PLCE1: variants seen among roughly 807,000 people sequenced by gnomAD.
The protein encoded by PLCE1 is phospholipase C epsilon 1.
PLCE1 carries 119 observed loss-of-function variants against 242.8 expected under a neutral mutation model. The ratio of observed to expected loss-of-function variants is 0.49; its 90% CI spans 0.42 to 0.57. PLCE1 has a LOEUF of 0.57. Among genes scored for constraint, PLCE1 ranks in the 20% least tolerant of loss-of-function variants. The pLI, the probability that PLCE1 is intolerant of heterozygous loss-of-function variation, is 0.00. For synonymous variants in PLCE1, 945 were observed against 1,017.4 expected, an observed-to-expected ratio of 0.93 and a Z score of 1.35; for missense variants, 2,441 against 2,788.8, an observed-to-expected ratio of 0.88 and a Z score of 2.81.
chr10:94,020,838 TTC>T (rs1399073105), intron 1 of PLCE1, among the ~76,000 whole-genome samples: 2 of 152,192 alleles, frequency 1.3e-5, no homozygotes, highest in Non-Finnish European at 2.9e-5. Flanking sequence ...GTTGTTTTGT[TTC>T]TGTTTTTGAG....
chr10:94,325,201 A>G, intron 32 of PLCE1, 97 bp downstream of exon 32: 1 of 901,632 alleles, frequency 1.1e-6, no homozygotes, highest in Non-Finnish European at 1.8e-6. Flanking sequence ...CTTTTCCAAC[A>G]GGAGGATGTC....
In PLCE1 at chr10:94,268,304, G is replaced by A. The variant is rs79093368; in HGVS notation, c.4282-625G>A. Among the ~76,000 whole-genome samples, 33 of 152,306 alleles carry A rather than the reference G, an allele frequency of 2.2e-4. No individual in the cohort carries two copies. In the East Asian group the frequency reaches 5.2e-3, roughly 24 times the overall value. The stretch of plus-strand genomic sequence containing the variant: ...GCTTGATTACTGATGTCTGCTGTGG[G>A]TATGGGAGAAAGGAACCATTTATGG... On this transcript the variant is annotated intron_variant, in intron 16 of 32. Transcript: ENST00000371380.
intron 19 of PLCE1, 24 bp downstream of exon 19, chr10:94,273,744 T>C: frequency 6.2e-7 from 1 of 1,608,342 alleles, no homozygotes; most frequent in African/African-American, 1.3e-5. Context: ...TTAAACCAGT[T>C]ATGAAAAGGC....
At chr10:94,131,578 T>A (rs1273656137) in intron 2 of PLCE1, among the ~76,000 whole-genome samples, 1 of 151,694 alleles carries the variant, frequency 6.6e-6, no homozygotes, top group African/African-American at 2.4e-5. Flanking sequence ...GCAAGAAGAG[T>A]GAGCAGGATC....
intron 2 of PLCE1, among the ~76,000 whole-genome samples, chr10:94,050,992 T>TG (rs1348993519): frequency 1.3e-5 from 2 of 152,098 alleles, no homozygotes. Context: ...GTTTATGGGA[T>TG]GGGATACTTG....
At chr10:94,289,612 G>A (rs1410878721) in intron 22 of PLCE1, among the ~76,000 whole-genome samples, 2 of 152,192 alleles carry the variant, frequency 1.3e-5, no homozygotes, top group Non-Finnish European at 2.9e-5. Context: ...AATACGGTAG[G>A]TAAGTGTAAC....
intron 3 of PLCE1, among the ~76,000 whole-genome samples, chr10:94,134,847 TA>T (rs2046716957): frequency 6.6e-6 from 1 of 152,242 alleles, no homozygotes; most frequent in Non-Finnish European, 1.5e-5. Context: ...GTGTTATCTT[TA>T]AATTGGCGTT....
intron 12 of PLCE1, 32 bp from the exon 13 acceptor site, chr10:94,258,982 T>G: frequency 6.2e-7 from 1 of 1,614,070 alleles, no homozygotes; most frequent in Admixed American, 1.7e-5. Flanking sequence ...ATAAAGATAC[T>G]CAATGAGAGG....
chr10:94,205,884 T>C (rs2049143510), intron 4 of PLCE1, among the ~76,000 whole-genome samples: 1 of 152,240 alleles, frequency 6.6e-6, no homozygotes, highest in African/African-American at 2.4e-5. Flanking sequence ...CTTCATTTGC[T>C]CTTTCAGTCA....
At chr10:94,299,726 G>C (rs2052969262) in intron 24 of PLCE1, among the ~76,000 whole-genome samples, 1 of 152,218 alleles carries the variant, frequency 6.6e-6, no homozygotes, top group Non-Finnish European at 1.5e-5. Flanking sequence ...CTAGCTACCT[G>C]GCACTGGTGC....
chr10:94,008,603 C>T (rs2061099191), intron 1 of PLCE1, among the ~76,000 whole-genome samples: 1 of 152,218 alleles, frequency 6.6e-6, no homozygotes, highest in Non-Finnish European at 1.5e-5. Context: ...GCCATCATGC[C>T]TGGTGAATGT....
At chr10:94,181,628 G>C (rs1225291886) in intron 4 of PLCE1, among the ~76,000 whole-genome samples, 1 of 151,734 alleles carries the variant, frequency 6.6e-6, no homozygotes. Flanking sequence ...CTCCATGAAG[G>C]CCAGGCATAG....
chr10:94,255,912 A>ACTCTCT (rs1564834353), intron 11 of PLCE1, among the ~76,000 whole-genome samples: 58 of 87,018 alleles, frequency 6.7e-4, no homozygotes, highest in African/African-American at 2.4e-3. Context: ...ACACACACAC[A>ACTCTCT]CACTCTCTCT....
chr10:94,200,403 G>A (rs886476896), intron 4 of PLCE1, among the ~76,000 whole-genome samples: 1 of 152,108 alleles, frequency 6.6e-6, no homozygotes, highest in Non-Finnish European at 1.5e-5. Flanking sequence ...ATAACTGAAA[G>A]AGCTCCCAAC....
chr10:94,234,284 G>C lies in PLCE1; in HGVS notation c.2186G>C (p.Arg729Pro). 1.2e-6 allele frequency: 2 copies of C among 1,614,082 alleles called. No individual in the cohort carries two copies. Among genetic ancestry groups the C allele is most frequent in the South Asian group, 1.1e-5 (1 of 91,070 alleles). Residue 729 changes from arginine to proline, a missense_variant, in exon 6 of 33, where the codon CGG (arginine) becomes CCG (proline). By Grantham distance (103) the Arg-to-Pro change is moderately radical. Transcript: ENST00000371380. ...GASGLMKLCP[R>P]YNSQEETLEF... ...TCCGGTCTCATGAAGCTTTGCCCGC[G>C]GTACAATTCCCAAGAAGAAACTTTA... is the stretch of plus-strand genomic sequence containing the variant.
intron 17 of PLCE1, 51 bp from the exon 18 acceptor site, chr10:94,270,435 G>T: frequency 8.3e-7 from 1 of 1,197,692 alleles, no homozygotes; most frequent in South Asian, 1.2e-5. Flanking sequence ...CCTGCCTTCT[G>T]ACCACCTTGA....
Position 94,092,765 on chromosome 10 carries a change from A to G in PLCE1, c.1207-39409A>G, listed in dbSNP as rs1241466339. On this transcript the variant is annotated intron_variant, in intron 2 of 32. Coordinates refer to ENST00000371380, the MANE Select transcript of PLCE1 (RefSeq NM_016341.4). Reference sequence around the variant, plus strand: ...GAAAGCCCAGTAAAAAGGTTCACACATAATTTAAGGAGCATTCTATAAGAA... The same window carrying G: ...GAAAGCCCAGTAAAAAGGTTCACACGTAATTTAAGGAGCATTCTATAAGAA... Among the ~76,000 whole-genome samples, 3 of 152,338 alleles carry G rather than the reference A, an allele frequency of 2.0e-5. No homozygotes were observed. In the East Asian group the frequency reaches 5.8e-4, roughly 29 times the overall value.
intron 4 of PLCE1, 46 bp downstream of exon 4, chr10:94,171,542 G>A (rs1387214302): frequency 2.7e-6 from 4 of 1,476,912 alleles, no homozygotes; most frequent in Non-Finnish European, 3.8e-6. Flanking sequence ...TCACCCGTAA[G>A]TGATTTTCAA....
intron 2 of PLCE1, among the ~76,000 whole-genome samples, chr10:94,039,328 C>A (rs543638358): frequency 6.6e-6 from 1 of 152,068 alleles, no homozygotes; most frequent in East Asian, 1.9e-4. Context: ...TCCAAAGCAG[C>A]TGCACATTTT....
Sources: gnomAD v4.1 joint callset for allele counts (sites outside exome capture counted in the v4.1 genomes callset) on GRCh38, gnomAD v4.1.1 for gene constraint, MANE v1.5 for transcripts, NCBI Gene and HGNC (gene_info 2026-07-23, HGNC 2026-07-21) for gene names.